Variants in UNC13C observed in about 807,000 individuals in gnomAD.
UNC13C encodes unc-13 homolog C.
Under a neutral mutation model 245.4 loss-of-function variants are expected in UNC13C, and 174 were observed. That is an observed-to-expected ratio of 0.71 (90% CI 0.63 to 0.80). The LOEUF (loss-of-function observed/expected upper bound fraction) is 0.80, where lower values mean the gene tolerates loss of function less well. Among genes scored for constraint, UNC13C ranks in the 30% least tolerant of loss-of-function variants. The pLI is 0.00. For synonymous variants in UNC13C, 992 were observed against 895.1 expected, an observed-to-expected ratio of 1.11 and a Z score of -1.93; for missense variants, 2,829 against 2,602.9, an observed-to-expected ratio of 1.09 and a Z score of -1.89.
chr15:54,413,582 C>T (rs1351169372), intron 18 of UNC13C, among the ~76,000 whole-genome samples: 1 of 152,048 alleles, frequency 6.6e-6, no homozygotes, highest in African/African-American at 2.4e-5. Context: ...AAGTTCTGAA[C>T]TTAAATACTT....
chr15:54,045,417 T>C (rs1896992797), intron 2 of UNC13C, among the ~76,000 whole-genome samples: 1 of 152,204 alleles, frequency 6.6e-6, no homozygotes, highest in South Asian at 2.1e-4. Context: ...CCATCTTTTT[T>C]TTCCCCTGAA....
At chr15:54,025,261 A>G (rs1896061999) in intron 2 of UNC13C, among the ~76,000 whole-genome samples, 1 of 152,208 alleles carries the variant, frequency 6.6e-6, no homozygotes, top group Non-Finnish European at 1.5e-5. Context: ...ATTTTGGAGT[A>G]TGAAATTTGT....
At chr15:53,995,401 C>T (rs1463546321) in intron 1 of UNC13C, among the ~76,000 whole-genome samples, 3 of 152,100 alleles carry the variant, frequency 2.0e-5, no homozygotes, top group African/African-American at 7.2e-5. Flanking sequence ...AAGGCAGCCC[C>T]TCCCTCTGGG....
intron 2 of UNC13C, among the ~76,000 whole-genome samples, chr15:54,036,296 G>A (rs1896574714): frequency 1.3e-5 from 2 of 152,192 alleles, no homozygotes; most frequent in African/African-American, 4.8e-5. Context: ...ACTGGGCAGA[G>A]GCCAAGGATG....
At chr15:54,620,233 C>G (rs751539580) in intron 30 of UNC13C, among the ~76,000 whole-genome samples, 32 of 152,078 alleles carry the variant, frequency 2.1e-4, no homozygotes, top group Admixed American at 1.3e-4. Context: ...CTGCCCCTGA[C>G]GTCAATATAA....
rs1475379423 is a variant in UNC13C at position 54,015,347 on chromosome 15, G to A, written c.2444G>A (p.Ser815Asn). The A allele has an allele frequency of 4.3e-6, 7 of 1,613,746 alleles. No homozygotes were observed. Among genetic ancestry groups the A allele is most frequent in the Middle Eastern group, 1.6e-4 (1 of 6,080 alleles). ...GCCTTGGAAGTAGTATGGAACAAAA[G>A]CACACAGAGTCTGAGTGGGTATGAG... ...KSALEVVWNK[S>N]TQSLSGYEDS... The change falls in exon 2 of 33, where the codon AGC becomes AAC. Residue 815 changes from serine (S) to asparagine (N), a missense_variant. Physicochemically the swap from Ser to Asn is conservative, Grantham distance 46 (BLOSUM62 1). Transcript: ENST00000260323.
intron 19 of UNC13C, among the ~76,000 whole-genome samples, chr15:54,449,866 C>A (rs1278237463): frequency 6.6e-6 from 1 of 152,216 alleles, no homozygotes; most frequent in Non-Finnish European, 1.5e-5. Flanking sequence ...TTAGAATTTT[C>A]AGTTTTTCTG....
chr15:54,467,293 T>C (rs1892226980), intron 19 of UNC13C, among the ~76,000 whole-genome samples: 1 of 151,818 alleles, frequency 6.6e-6, no homozygotes, highest in Admixed American at 6.6e-5. Flanking sequence ...ATTATGATAA[T>C]GATGGCTATT....
At chr15:54,221,935 G>C (rs2035239605) in intron 4 of UNC13C, among the ~76,000 whole-genome samples, 1 of 151,888 alleles carries the variant, frequency 6.6e-6, no homozygotes, top group Admixed American at 6.6e-5. Context: ...ATAGTTTTTT[G>C]GGAATTTTTG....
chr15:54,094,750 TTC>T (rs1482462130), intron 2 of UNC13C, among the ~76,000 whole-genome samples: 2 of 152,124 alleles, frequency 1.3e-5, no homozygotes, highest in South Asian at 2.1e-4. Flanking sequence ...TTTGTTACAA[TTC>T]TCTCTCTCCC....
intron 7 of UNC13C, among the ~76,000 whole-genome samples, chr15:54,247,162 T>A (rs968466745): frequency 2.0e-5 from 3 of 152,212 alleles, no homozygotes; most frequent in Non-Finnish European, 4.4e-5. Flanking sequence ...TTCTGTTTAA[T>A]GGCTTTTCAT....
At chr15:54,131,351 A>G (rs1007024214) in intron 2 of UNC13C, among the ~76,000 whole-genome samples, 1 of 152,188 alleles carries the variant, frequency 6.6e-6, no homozygotes, top group African/African-American at 2.4e-5. Flanking sequence ...GTGATTCCAC[A>G]TTGCGATTAG....
intron 10 of UNC13C, among the ~76,000 whole-genome samples, chr15:54,274,093 A>G (rs932530520): frequency 6.6e-6 from 1 of 152,114 alleles, no homozygotes; most frequent in Admixed American, 6.6e-5. Flanking sequence ...TTACAATTGG[A>G]GTGGAGATGA....
chr15:54,034,543 A>T (rs945176533), intron 2 of UNC13C, among the ~76,000 whole-genome samples: 3 of 152,306 alleles, frequency 2.0e-5, no homozygotes, highest in South Asian at 2.1e-4. Context: ...TAAATTTTTG[A>T]GTTTCCTTAA....
intron 2 of UNC13C, among the ~76,000 whole-genome samples, chr15:54,121,850 T>C (rs1015952437): frequency 7.2e-5 from 11 of 152,060 alleles, no homozygotes; most frequent in African/African-American, 2.4e-4. Flanking sequence ...TGTAAAGGTA[T>C]TGCACTGCTT....
chr15:54,014,234 A>T lies in UNC13C; in HGVS notation c.1331A>T (p.Asn444Ile). 6.2e-7 allele frequency: 1 copy of T among 1,613,912 alleles called. No homozygotes were observed. Among genetic ancestry groups the T allele is most frequent in the Non-Finnish European group, 8.5e-7 (1 of 1,179,810 alleles). Reference sequence around the variant, plus strand: ...ACTCCAGAGCCAAAAATCAAGAAGAACAATTGGCAGTCACCTGATGACAGT... The same window carrying T: ...ACTCCAGAGCCAAAAATCAAGAAGATCAATTGGCAGTCACCTGATGACAGT... The part of the protein sequence containing the change: ...LSTPEPKIKK[N>I]NWQSPDDSDE... The change falls in exon 2 of 33, where the codon AAC (asparagine) becomes ATC (isoleucine). Residue 444 changes from asparagine (N) to isoleucine (I), a missense_variant. Physicochemically the swap from Asn to Ile is moderately radical, Grantham distance 149. Transcript: ENST00000260323.
chr15:54,389,066 C>T (rs1230195797), intron 17 of UNC13C, among the ~76,000 whole-genome samples: 2 of 152,094 alleles, frequency 1.3e-5, no homozygotes, highest in Non-Finnish European at 2.9e-5. Context: ...TGTTTGGTTT[C>T]AATGCAAACT....
At chr15:54,056,798 C>T (rs1365846159) in intron 2 of UNC13C, among the ~76,000 whole-genome samples, 1 of 152,092 alleles carries the variant, frequency 6.6e-6, no homozygotes, top group Non-Finnish European at 1.5e-5. Flanking sequence ...AGAGTGGGGC[C>T]CAATATTAAA....
chr15:53,875,679 C>A, the UNC13C span, among the ~76,000 whole-genome samples: 21,861 of 152,110 alleles, frequency 0.14, 1,751 homozygotes, highest in East Asian at 0.28. Flanking sequence ...ATTAATGCTC[C>A]CTTTGTTCCC....
Sources: gnomAD v4.1 joint callset for allele counts (sites outside exome capture counted in the v4.1 genomes callset) on GRCh38, gnomAD v4.1.1 for gene constraint, MANE v1.5 for transcripts, NCBI Gene and HGNC (gene_info 2026-07-23, HGNC 2026-07-21) for gene names.